MDGA2: variants seen among roughly 807,000 people sequenced by gnomAD.
MDGA2 encodes MAM domain-containing glycosylphosphatidylinositol anchor protein 2.
Under a neutral mutation model 117.8 loss-of-function variants are expected in MDGA2, and 40 were observed. The observed-to-expected ratio is 0.34, with a 90% CI of 0.26 to 0.44. The LOEUF is 0.44. Among genes scored for constraint, MDGA2 ranks in the 20% least tolerant of loss-of-function variants. MDGA2 has a pLI of 1.00. For missense variants in MDGA2, 1,123 were observed against 1,250.6 expected, an observed-to-expected ratio of 0.90 and a Z score of 1.54; for synonymous variants, 452 against 439.0, an observed-to-expected ratio of 1.03 and a Z score of -0.37.
At chr14:47,116,496 G>T (rs1189651513) in intron 5 of MDGA2, among the ~76,000 whole-genome samples, 1 of 152,004 alleles carries the variant, frequency 6.6e-6, no homozygotes, top group Non-Finnish European at 1.5e-5. Flanking sequence ...TAGCACACTA[G>T]CTGATTTCAA....
intron 2 of MDGA2, among the ~76,000 whole-genome samples, chr14:47,226,259 A>AAATAAATAAATAAATG (rs537466146): frequency 1.3e-5 from 2 of 149,112 alleles, no homozygotes; most frequent in African/African-American, 2.5e-5. Context: ...ATAAATAAAT[A>AAATAAATAAATAAATG]AATGGGAGGA....
chr14:47,461,947 G>C (rs754387188), intron 1 of MDGA2, among the ~76,000 whole-genome samples: 21 of 152,150 alleles, frequency 1.4e-4, no homozygotes, highest in Non-Finnish European at 2.5e-4. Flanking sequence ...CTACATAATT[G>C]ATTGAGGACA....
intron 3 of MDGA2, among the ~76,000 whole-genome samples, chr14:47,182,706 T>C (rs1884757258): frequency 6.6e-6 from 1 of 152,216 alleles, no homozygotes; most frequent in African/African-American, 2.4e-5. Context: ...AATTGGTCTT[T>C]GTAGTTGACA....
chr14:47,049,591 G>A (rs978795712), intron 7 of MDGA2, among the ~76,000 whole-genome samples: 6 of 151,670 alleles, frequency 4.0e-5, no homozygotes, highest in Admixed American at 3.3e-4. Context: ...ATGCAGTTTT[G>A]TTACATGAGT....
chr14:47,368,985 T>C (rs1457024627), intron 1 of MDGA2, among the ~76,000 whole-genome samples: 1 of 152,138 alleles, frequency 6.6e-6, no homozygotes, highest in African/African-American at 2.4e-5. Context: ...AGCATAATAA[T>C]ATAAAATGCA....
rs537409711 is a variant in MDGA2, at chr14:47,275,643, G to C, written c.420+25768C>G. ...AATACTATAATTCCATGAAAAAAGG[G>C]GGAAACATTTAATAATATTGCTAAC... is the stretch of plus-strand genomic sequence containing the variant. On this transcript the variant is annotated intron_variant, in intron 2 of 16. Transcript: ENST00000399232. 2.0e-5 allele frequency among the ~76,000 whole-genome samples: 3 copies of C among 152,106 alleles called. No individual in the cohort carries two copies. The East Asian group carries it at 5.8e-4, about 29-fold the overall frequency.
intron 13 of MDGA2, 39 bp downstream of exon 13, chr14:46,874,006 C>G (rs757206052): frequency 6.7e-7 from 1 of 1,482,242 alleles, no homozygotes. Flanking sequence ...TTTTAAAAGT[C>G]TCTGATTGCT....
chr14:47,673,886 C>T (rs1311555151), intron 1 of MDGA2, among the ~76,000 whole-genome samples: 1 of 151,956 alleles, frequency 6.6e-6, no homozygotes, highest in African/African-American at 2.4e-5. Flanking sequence ...GCAGTCCGTT[C>T]ATTCATGCAC....
Position 46,985,947 on chromosome 14 carries a change from C to A in MDGA2, c.1820-28304G>T, listed in dbSNP as rs61992804. Among the ~76,000 whole-genome samples the A allele has an allele frequency of 6.4e-3, 978 of 151,968 alleles. 11 individuals are homozygous for A. The highest frequency in any genetic ancestry group is 0.017 in the Middle Eastern group (5 of 294). On this transcript the variant is annotated intron_variant, in intron 8 of 16. Transcript: ENST00000399232. ...TCATTTTTTTTCTAGGAAAAAGACA[C>A]AAAACCTCAAGACTTCTAAGGTTTC... is the stretch of plus-strand genomic sequence containing the variant.
At chr14:47,320,894 C>A (rs527900961) in intron 1 of MDGA2, among the ~76,000 whole-genome samples, 1 of 152,028 alleles carries the variant, frequency 6.6e-6, no homozygotes, top group African/African-American at 2.4e-5. Flanking sequence ...TCAATCTCTG[C>A]CATTTACCCA....
chr14:47,248,249 G>C (rs1385822653), intron 2 of MDGA2, among the ~76,000 whole-genome samples: 1 of 151,418 alleles, frequency 6.6e-6, no homozygotes, highest in Non-Finnish European at 1.5e-5. Flanking sequence ...TATACAAGGA[G>C]TAGGAGAGTA....
At position 47,329,880 on chromosome 14, in the gene MDGA2, C is replaced by T. The variant is rs529110446; in HGVS notation, c.281-28330G>A. The stretch of plus-strand genomic sequence containing the variant: ...TTTACCCAAAAGCCACACCTTTAGA[C>T]GTCAACATTAAAATTTAGCCCAAAT... On this transcript the variant is annotated intron_variant, in intron 1 of 16. Transcript: ENST00000399232. 2.2e-4 allele frequency among the ~76,000 whole-genome samples: 34 copies of T among 151,910 alleles called. No individual in the cohort carries two copies. The South Asian group carries it at 6.2e-3, about 28-fold the overall frequency.
chr14:46,840,901 T>C lies in MDGA2; in HGVS notation c.*1030A>G, dbSNP rs368110846. ...TAATGGACAATAAGCCGAAAGGCCA[T>C]GGCTGTCTAGGAGGTTAAACAACAA... On this transcript the variant is annotated 3_prime_UTR_variant, in exon 17 of 17. Coordinates refer to ENST00000399232, the MANE Select transcript of MDGA2 (RefSeq NM_001113498.3). 2 of 152,608 alleles carry C rather than the reference T, an allele frequency of 1.3e-5. No individual in the cohort carries two copies. Among genetic ancestry groups the C allele is most frequent in the Non-Finnish European group, 2.9e-5 (2 of 68,026 alleles). The allele number at this position is 152,608 out of a possible 1,614,324, so 9.5% of individuals were successfully genotyped here. A position where few individuals can be genotyped will look rare whatever the true frequency, so the allele number is the denominator to read the frequency against.
intron 8 of MDGA2, among the ~76,000 whole-genome samples, chr14:46,958,282 A>T (rs1000284238): frequency 6.6e-6 from 1 of 152,154 alleles, no homozygotes. Context: ...ATACAAAGGT[A>T]CAAAATCTGA....
intron 8 of MDGA2, 94 bp from the exon 9 acceptor site, chr14:46,957,737 G>T: frequency 3.7e-6 from 5 of 1,354,572 alleles, no homozygotes; most frequent in Non-Finnish European, 5.1e-6. Context: ...AGTAACACAT[G>T]CAGCAATAGA....
chr14:47,140,142 A>T (rs1882656590), intron 4 of MDGA2, among the ~76,000 whole-genome samples: 2 of 151,952 alleles, frequency 1.3e-5, no homozygotes, highest in Admixed American at 1.3e-4. Flanking sequence ...GGAAAGATGG[A>T]TACAATTCAA....
chr14:47,344,547 A>T (rs904401759), intron 1 of MDGA2, among the ~76,000 whole-genome samples: 17 of 152,236 alleles, frequency 1.1e-4, no homozygotes, highest in Admixed American at 5.9e-4. Flanking sequence ...GTAGGTTCTA[A>T]ATAAACAGAA....
At chr14:47,520,444 T>G (rs140411192) in intron 1 of MDGA2, among the ~76,000 whole-genome samples, 3 of 152,178 alleles carry the variant, frequency 2.0e-5, no homozygotes, top group African/African-American at 7.2e-5. Context: ...GAGGCTGATG[T>G]CAATGATAAG....
intron 6 of MDGA2, among the ~76,000 whole-genome samples, chr14:47,069,943 C>T (rs181285050): frequency 8.5e-5 from 13 of 152,240 alleles, no homozygotes; most frequent in African/African-American, 2.9e-4. Context: ...AGAGTGAATA[C>T]TATTGACCTG....
Sources: gnomAD v4.1 joint callset for allele counts (sites outside exome capture counted in the v4.1 genomes callset) on GRCh38, gnomAD v4.1.1 for gene constraint, MANE v1.5 for transcripts, NCBI Gene and HGNC (gene_info 2026-07-23, HGNC 2026-07-21) for gene names.